Variants in EYS observed in about 807,000 individuals in gnomAD.
The protein encoded by EYS is protein eyes shut homolog.
A neutral mutation model predicts 282.1 loss-of-function variants in EYS; 250 were observed. The observed-to-expected ratio is 0.89, with a 90% CI of 0.80 to 0.98. The LOEUF (loss-of-function observed/expected upper bound fraction) is 0.98. EYS is among the 50% of genes least tolerant of loss of function. The pLI, the probability that EYS is intolerant of heterozygous loss-of-function variation, is 0.00. For missense variants in EYS, 4,016 were observed against 3,709.0 expected (o/e 1.08, Z -2.15); for synonymous variants, 1,355 against 1,282.9 (o/e 1.06, Z -1.20).
chr6:64,873,323 C>T (rs908900130), intron 19 of EYS, among the ~76,000 whole-genome samples: 5 of 152,072 alleles, frequency 3.3e-5, no homozygotes, highest in Admixed American at 3.3e-4. Context: ...TCAATTACTT[C>T]TCACCGGGTC....
rs760577255 is a variant in EYS at position 64,813,385 on chromosome 6, C to T, written c.3436G>A (p.Asp1146Asn). 9.7e-6 allele frequency: 15 copies of T among 1,541,468 alleles called. No homozygotes were observed. In the South Asian group the frequency reaches 1.8e-4, roughly 19 times the overall value. ...ICVDGPGHTF[D>N]CRCLPGFSGQ... ...GGGTAAATAAATACTGACCTGCAGTCAAAAGTATGTCCAGGCCCATCAACA... is the reference window on the plus strand; with the variant it reads ...GGGTAAATAAATACTGACCTGCAGTTAAAAGTATGTCCAGGCCCATCAACA... The change falls in exon 22 of 43, where the codon GAC (aspartate) becomes AAC (asparagine). Residue 1146 changes from aspartate (D) to asparagine (N), a missense_variant. Coordinates refer to ENST00000503581, the MANE Select transcript of EYS (RefSeq NM_001142800.2).
chr6:65,183,060 G>T (rs1765431625), intron 12 of EYS, among the ~76,000 whole-genome samples: 1 of 151,776 alleles, frequency 6.6e-6, no homozygotes, highest in African/African-American at 2.4e-5. Context: ...AAAACTGCTG[G>T]GATTACAAGC....
chr6:65,017,700 T>C (rs1772099595), intron 13 of EYS, among the ~76,000 whole-genome samples: 1 of 152,348 alleles, frequency 6.6e-6, no homozygotes, highest in African/African-American at 2.4e-5. Flanking sequence ...CACACTCATA[T>C]CTGAGCACAG....
intron 36 of EYS, among the ~76,000 whole-genome samples, chr6:63,848,776 C>T (rs1239673253): frequency 6.6e-6 from 1 of 152,146 alleles, no homozygotes; most frequent in African/African-American, 2.4e-5. Flanking sequence ...AGACACTGAT[C>T]TAGATGCAGG....
At chr6:64,212,858 C>A (rs1416151571) in intron 31 of EYS, among the ~76,000 whole-genome samples, 1 of 152,090 alleles carries the variant, frequency 6.6e-6, no homozygotes, top group Non-Finnish European at 1.5e-5. Flanking sequence ...TAGAATCAAC[C>A]TAAATGCCCA....
intron 19 of EYS, among the ~76,000 whole-genome samples, chr6:64,848,900 TTA>T (rs1436836573): frequency 2.0e-5 from 3 of 152,116 alleles, no homozygotes; most frequent in Non-Finnish European, 4.4e-5. Flanking sequence ...GAAATTTCTG[TTA>T]TCAGTCCCAT....
intron 19 of EYS, among the ~76,000 whole-genome samples, chr6:64,869,735 A>G (rs1483175917): frequency 1.3e-5 from 2 of 151,704 alleles, no homozygotes; most frequent in Non-Finnish European, 3.0e-5. Context: ...TTGAGAGACA[A>G]GCCAGAGATA....
intron 35 of EYS, among the ~76,000 whole-genome samples, chr6:63,962,350 G>A (rs1256456777): frequency 3.3e-5 from 5 of 151,982 alleles, no homozygotes; most frequent in East Asian, 1.9e-4. Flanking sequence ...AAAATTTTGC[G>A]ATCTACTCAT....
chr6:64,663,003 T>C (rs536579754), intron 22 of EYS, among the ~76,000 whole-genome samples: 1 of 152,192 alleles, frequency 6.6e-6, no homozygotes, highest in Non-Finnish European at 1.5e-5. Context: ...AGAAATTACA[T>C]AAAGTTGCAG....
At chr6:64,946,944 G>C (rs1299541553) in intron 14 of EYS, among the ~76,000 whole-genome samples, 1 of 151,836 alleles carries the variant, frequency 6.6e-6, no homozygotes, top group Non-Finnish European at 1.5e-5. Flanking sequence ...AACACAAACA[G>C]AGATCTCTTT....
chr6:65,030,709 A>T (rs927682654), intron 13 of EYS, among the ~76,000 whole-genome samples: 8 of 152,174 alleles, frequency 5.3e-5, no homozygotes, highest in African/African-American at 1.9e-4. Flanking sequence ...AAGGCCATGG[A>T]CCTGTTAGTA....
At chr6:64,013,189 C>T (rs563665385) in intron 33 of EYS, among the ~76,000 whole-genome samples, 11 of 152,220 alleles carry the variant, frequency 7.2e-5, no homozygotes, top group African/African-American at 2.2e-4. Context: ...ACAGAGCAGT[C>T]GTCAAGGGAA....
intron 22 of EYS, among the ~76,000 whole-genome samples, chr6:64,643,239 T>C (rs1475717535): frequency 6.6e-6 from 1 of 152,158 alleles, no homozygotes; most frequent in Non-Finnish European, 1.5e-5. Flanking sequence ...GAGTGTATAA[T>C]TGGCATCTAA....
chr6:64,518,778 G>A (rs975156746), intron 26 of EYS, among the ~76,000 whole-genome samples: 4 of 124,826 alleles, frequency 3.2e-5, no homozygotes, highest in African/African-American at 1.1e-4. Flanking sequence ...GGTTTATAAG[G>A]GGCCCCCCCC....
intron 36 of EYS, among the ~76,000 whole-genome samples, chr6:63,843,326 CT>C: frequency 6.6e-6 from 1 of 152,080 alleles, no homozygotes; most frequent in Non-Finnish European, 1.5e-5. Context: ...TTTCTCATCC[CT>C]TGTAAGTTCT....
chr6:64,709,521 G>A (rs1255708087), intron 22 of EYS, among the ~76,000 whole-genome samples: 1 of 151,972 alleles, frequency 6.6e-6, no homozygotes, highest in Non-Finnish European at 1.5e-5. Flanking sequence ...CTACCAAATT[G>A]TTTTAAATAA....
chr6:65,078,315 A>T (rs996975372), intron 12 of EYS, among the ~76,000 whole-genome samples: 1 of 152,176 alleles, frequency 6.6e-6, no homozygotes, highest in Non-Finnish European at 1.5e-5. Flanking sequence ...ATATTACAGT[A>T]GAAATTAAAT....
Position 64,334,013 on chromosome 6 carries a change from C to T in EYS, c.6079-26931G>A, listed in dbSNP as rs995670115. Among the ~76,000 whole-genome samples the T allele has an allele frequency of 6.6e-5, 10 of 152,152 alleles. 1 individual carries two copies. The South Asian group carries it at 8.3e-4, about 13-fold the overall frequency. On this transcript the variant is annotated intron_variant, in intron 29 of 42. Transcript: ENST00000503581. ...TTTAGCTATTAAGGAACCCCATCAT[C>T]GGAAAATACTGTATCGCCTGACAAG...
chr6:64,466,978 T>C (rs1030625647), intron 26 of EYS, among the ~76,000 whole-genome samples: 1 of 152,172 alleles, frequency 6.6e-6, no homozygotes, highest in Admixed American at 6.5e-5. Context: ...GACATTTGTA[T>C]AACTTATAAC....
Sources: allele counts gnomAD v4.1 joint callset (sites outside exome capture counted in the v4.1 genomes callset), GRCh38; gene constraint gnomAD v4.1.1; transcripts MANE v1.5; gene names NCBI Gene and HGNC (gene_info 2026-07-23, HGNC 2026-07-21).